The following RBFOX1 variants were observed in gnomAD, a reference collection of about 807,000 sequenced individuals.
RBFOX1 encodes RNA binding fox-1 homolog 1, also known as RNA binding protein fox-1 homolog 1.
Under a neutral mutation model 57.7 loss-of-function variants are expected in RBFOX1, and 8 were observed. The ratio of observed to expected loss-of-function variants is 0.14; its 90% CI spans 0.08 to 0.25. The LOEUF is 0.25. RBFOX1 is among the 10% of genes least tolerant of loss of function. The pLI is 1.00. For missense variants in RBFOX1, 611 were observed against 548.5 expected, an observed-to-expected ratio of 1.11 and a Z score of -1.14; for synonymous variants, 326 against 222.4, an observed-to-expected ratio of 1.47 and a Z score of -4.15.
chr16:6,425,971 T>C (rs370207158), intron 2 of RBFOX1, among the ~76,000 whole-genome samples: 189 of 152,056 alleles, frequency 1.2e-3, no homozygotes, highest in African/African-American at 3.0e-3. Context: ...CCCCAGCCCC[T>C]GGCTACCACT....
chr16:7,360,984 T>C (rs553286211), intron 4 of RBFOX1, among the ~76,000 whole-genome samples: 2 of 152,316 alleles, frequency 1.3e-5, no homozygotes, highest in Admixed American at 1.3e-4. Context: ...CCTCAGCCTC[T>C]GTGTGCCATG....
intron 4 of RBFOX1, among the ~76,000 whole-genome samples, chr16:5,883,858 A>C (rs2057828983): frequency 6.6e-6 from 1 of 152,156 alleles, no homozygotes; most frequent in Admixed American, 6.5e-5. Context: ...CTGTGGTTTA[A>C]ATAATAGGAT....
At chr16:6,023,942 C>T (rs1172223177) in intron 1 of RBFOX1, among the ~76,000 whole-genome samples, 2 of 152,148 alleles carry the variant, frequency 1.3e-5, no homozygotes, top group Non-Finnish European at 2.9e-5. Flanking sequence ...AGCTTCAAAA[C>T]AAGGGGATCT....
chr16:5,339,039 C>A (rs1258098521), intron 1 of RBFOX1, among the ~76,000 whole-genome samples: 2 of 151,902 alleles, frequency 1.3e-5, no homozygotes, highest in Non-Finnish European at 2.9e-5. Context: ...CAAAATCTCT[C>A]AATAATTTTC....
At chr16:7,686,731 A>G (rs1430408823) in intron 14 of RBFOX1, among the ~76,000 whole-genome samples, 1 of 152,138 alleles carries the variant, frequency 6.6e-6, no homozygotes, top group Non-Finnish European at 1.5e-5. Context: ...TGAATTTTCT[A>G]TTGGAATACA....
At chr16:6,249,412 C>T (rs373507065) in intron 1 of RBFOX1, among the ~76,000 whole-genome samples, 26 of 152,140 alleles carry the variant, frequency 1.7e-4, no homozygotes, top group African/African-American at 6.3e-4. Flanking sequence ...GTAATCCCAG[C>T]TACTCGGGAG....
At chr16:7,002,202 A>G (rs1026049166) in intron 3 of RBFOX1, among the ~76,000 whole-genome samples, 1 of 152,202 alleles carries the variant, frequency 6.6e-6, no homozygotes, top group Non-Finnish European at 1.5e-5. Context: ...AAATTAGGAA[A>G]GGGAAAAATC....
At chr16:6,118,490 A>C (rs1192976768) in intron 1 of RBFOX1, among the ~76,000 whole-genome samples, 2 of 152,126 alleles carry the variant, frequency 1.3e-5, no homozygotes, top group African/African-American at 4.8e-5. Context: ...TGTAAGGGTC[A>C]AGGTAGCTGT....
intron 11 of RBFOX1, among the ~76,000 whole-genome samples, chr16:7,634,528 C>T (rs372775537): frequency 3.5e-4 from 54 of 152,198 alleles, no homozygotes; most frequent in African/African-American, 1.2e-3. Flanking sequence ...ATAATTCCTA[C>T]TGAAGTTATC....
chr16:7,293,224 T>A (rs907109858), intron 4 of RBFOX1, among the ~76,000 whole-genome samples: 2 of 152,200 alleles, frequency 1.3e-5, no homozygotes, highest in African/African-American at 4.8e-5. Context: ...TTGTCATTAT[T>A]CCCTAAACAA....
intron 2 of RBFOX1, among the ~76,000 whole-genome samples, chr16:6,515,598 ATGG>A: frequency 6.6e-6 from 1 of 152,212 alleles, no homozygotes; most frequent in African/African-American, 2.4e-5. Flanking sequence ...AAGCCTTTTT[ATGG>A]ATCAAAATCC....
intron 2 of RBFOX1, among the ~76,000 whole-genome samples, chr16:5,518,419 A>G (rs1027199917): frequency 3.3e-5 from 5 of 152,102 alleles, no homozygotes; most frequent in African/African-American, 1.2e-4. Context: ...GCTTTTTCCC[A>G]TCAGCTCAAG....
chr16:6,450,078 T>C (rs2094559181), intron 2 of RBFOX1, among the ~76,000 whole-genome samples: 1 of 152,100 alleles, frequency 6.6e-6, no homozygotes, highest in Non-Finnish European at 1.5e-5. Context: ...GGCATGCCTT[T>C]TGTGCCTCTT....
At chr16:5,465,335 G>C (rs2068920139) in intron 1 of RBFOX1, among the ~76,000 whole-genome samples, 1 of 151,754 alleles carries the variant, frequency 6.6e-6, no homozygotes, top group African/African-American at 2.4e-5. Context: ...AAGTCAGACT[G>C]GATCAGGGCC....
chr16:7,695,670 A>AC (rs1184364648), intron 14 of RBFOX1, among the ~76,000 whole-genome samples: 2 of 151,198 alleles, frequency 1.3e-5, no homozygotes, highest in East Asian at 3.9e-4. Flanking sequence ...AAAAAAAAAA[A>AC]AATCCTGCTG....
chr16:6,500,088 T>A (rs1246513228), intron 2 of RBFOX1, among the ~76,000 whole-genome samples: 2 of 152,180 alleles, frequency 1.3e-5, no homozygotes, highest in Admixed American at 1.3e-4. Context: ...TTTCCTTTGG[T>A]TAAAAAACAA....
At chr16:7,076,293 A>G (rs1230842002) in intron 4 of RBFOX1, among the ~76,000 whole-genome samples, 1 of 151,810 alleles carries the variant, frequency 6.6e-6, no homozygotes, top group Non-Finnish European at 1.5e-5. Flanking sequence ...TGGCCTCTCA[A>G]AGTGCTGGGA....
At chr16:5,801,895 A>G (rs2055069572) in intron 3 of RBFOX1, among the ~76,000 whole-genome samples, 1 of 152,164 alleles carries the variant, frequency 6.6e-6, no homozygotes, top group South Asian at 2.1e-4. Context: ...GCTCTATATT[A>G]GGTGAGGAAA....
intron 1 of RBFOX1, among the ~76,000 whole-genome samples, chr16:6,237,700 C>A (rs960035666): frequency 1.3e-5 from 2 of 151,736 alleles, no homozygotes; most frequent in Non-Finnish European, 2.9e-5. Context: ...ACGATCACAC[C>A]ACTACACTCC....
Sources: allele counts gnomAD v4.1 joint callset (sites outside exome capture counted in the v4.1 genomes callset), GRCh38; gene constraint gnomAD v4.1.1; transcripts MANE v1.5; gene names NCBI Gene and HGNC (gene_info 2026-07-23, HGNC 2026-07-21).